The following SERPINB4 variants were observed in gnomAD, a reference collection of about 807,000 sequenced individuals.
SERPINB4 encodes the protein serpin family B member 4, also known as serpin B4.
SERPINB4 carries 39 observed loss-of-function variants against 33.2 expected under a neutral mutation model. The observed-to-expected ratio is 1.18, with a 90% CI of 0.91 to 1.53. The LOEUF is 1.53. SERPINB4 is among the 40% of genes most tolerant of loss of function. The pLI, the probability that SERPINB4 is intolerant of heterozygous loss-of-function variation, is 0.00. For synonymous variants in SERPINB4, 191 were observed against 166.4 expected (o/e 1.15, Z -1.14); for missense variants, 564 against 455.4 (o/e 1.24, Z -2.17).
chr18:63,640,549 T>C (rs1486174611), intron 5 of SERPINB4, among the ~76,000 whole-genome samples: 4 of 152,020 alleles, frequency 2.6e-5, no homozygotes, highest in Non-Finnish European at 4.4e-5. Context: ...ATCATAAAAA[T>C]TTGAGTCTGA....
intron 3 of SERPINB4, among the ~76,000 whole-genome samples, chr18:63,642,570 T>G (rs1404425932): frequency 6.6e-6 from 1 of 152,084 alleles, no homozygotes; most frequent in Non-Finnish European, 1.5e-5. Context: ...CTTTCTACCT[T>G]CCAGCAAAGC....
intron 3 of SERPINB4, among the ~76,000 whole-genome samples, chr18:63,642,305 G>T (rs1913160930): frequency 6.6e-6 from 1 of 152,084 alleles, no homozygotes; most frequent in Non-Finnish European, 1.5e-5. Context: ...AGGAAGCCCT[G>T]TTATACCTGT....
At position 63,637,954 on chromosome 18, in the gene SERPINB4, T is replaced by C; in HGVS notation, c.938A>G (p.Asp313Gly). The change falls in exon 8 of 8, where the codon GAC becomes GGC. Residue 313 changes from aspartate to glycine, a missense_variant. By Grantham distance (94) the Asp-to-Gly change is moderately conservative. Coordinates refer to ENST00000341074, the MANE Select transcript of SERPINB4 (RefSeq NM_002974.4). ...GTGGCTCCAGGTCATGCCTGAGAGG[T>C]CTGCATCCCCATTGAAGATATTCAC... ...GMVNIFNGDA[D>G]LSGMTWSHGL... The C allele has an allele frequency of 6.2e-7, 1 of 1,613,532 alleles. No homozygotes were observed. Among genetic ancestry groups the C allele is most frequent in the South Asian group, 1.1e-5 (1 of 91,058 alleles).
chr18:63,637,945 C>A lies in SERPINB4; in HGVS notation c.947G>T (p.Gly316Val), dbSNP rs749724567. 2 of 1,613,490 alleles carry A rather than the reference C, an allele frequency of 1.2e-6. No individual in the cohort carries two copies. Among genetic ancestry groups the A allele is most frequent in the Non-Finnish European group, 1.7e-6 (2 of 1,179,756 alleles). Residue 316 changes from glycine (G) to valine (V), a missense_variant, in exon 8 of 8, where the codon GGC becomes GTC. Gly to Val is a moderately radical substitution (Grantham distance 109). Transcript: ENST00000341074. ...TGAGAGACCGTGGCTCCAGGTCATG[C>A]CTGAGAGGTCTGCATCCCCATTGAA... Reference protein sequence around the residue: ...NIFNGDADLSGMTWSHGLSVS... With the variant: ...NIFNGDADLSVMTWSHGLSVS...
rs754305053 is a variant in SERPINB4 at position 63,638,105 on chromosome 18, CAGTG to C, written c.783_786del (p.Thr262LeufsTer4). On this transcript the variant is annotated frameshift_variant, in exon 8 of 8. Coordinates refer to ENST00000341074, the MANE Select transcript of SERPINB4 (RefSeq NM_002974.4). LOFTEE classifies it low-confidence loss of function (END_TRUNC). ...CTTGTCCATTCCATCAATTTCTCAGCAGTGAGTTTCTCTTCAAGCTATACAAATG... is the reference window on the plus strand; with the variant it reads ...CTTGTCCATTCCATCAATTTCTCAGCAGTTTCTCTTCAAGCTATACAAATG... 15 of 1,612,898 alleles carry C rather than the reference CAGTG, an allele frequency of 9.3e-6. No homozygotes were observed. The Admixed American group carries it at 2.2e-4, about 23-fold the overall frequency.
At chr18:63,644,174 C>T (rs970247647) in intron 1 of SERPINB4, 35 bp downstream of exon 1, 1 of 152,380 alleles carries the variant, frequency 6.6e-6, no homozygotes, top group African/African-American at 2.4e-5. Context: ...AAAAATAATT[C>T]ATGTTATTAA....
intron 3 of SERPINB4, among the ~76,000 whole-genome samples, chr18:63,642,410 AT>A (rs1401006390): frequency 1.3e-5 from 2 of 152,062 alleles, no homozygotes; most frequent in African/African-American, 4.8e-5. Flanking sequence ...TGCCAGGTCC[AT>A]GGCTAAGGAC....
chr18:63,643,066 T>A, intron 3 of SERPINB4, 95 bp downstream of exon 3: 2 of 1,512,986 alleles, frequency 1.3e-6, no homozygotes, highest in East Asian at 4.6e-5. Flanking sequence ...AGATTTTCCC[T>A]AAAACTGGCC....
intron 3 of SERPINB4, 88 bp downstream of exon 3, chr18:63,643,073 G>A: frequency 6.5e-7 from 1 of 1,535,914 alleles, no homozygotes; most frequent in South Asian, 1.2e-5. Flanking sequence ...CCCTAAAACT[G>A]GCCTTTTCTT....
chr18:63,641,650 C>T (rs1480883135), intron 4 of SERPINB4, 110 bp downstream of exon 4: 11 of 1,544,806 alleles, frequency 7.1e-6, no homozygotes, highest in Non-Finnish European at 9.8e-6. Flanking sequence ...TGAGTAAATG[C>T]TCTCCACCTG....
chr18:63,643,368 C>T (rs2144477087), intron 2 of SERPINB4, 45 bp downstream of exon 2: 1 of 1,612,348 alleles, frequency 6.2e-7, no homozygotes, highest in Non-Finnish European at 8.5e-7. Flanking sequence ...CCGACGGAAC[C>T]AGAGAAAAAC....
chr18:63,642,903 G>T, intron 3 of SERPINB4: 2 of 480,654 alleles, frequency 4.2e-6, no homozygotes, highest in Admixed American at 7.0e-5. Flanking sequence ...CATTTGTGAA[G>T]AGCAAAGCTG....
In SERPINB4 at chr18:63,642,950, C is replaced by T. The variant is rs547468907; in HGVS notation, c.222+211G>A. 40 of 602,324 alleles carry T rather than the reference C, an allele frequency of 6.6e-5. No individual in the cohort carries two copies. The Admixed American group carries it at 7.5e-4, about 11-fold the overall frequency. 37.3% of individuals were successfully genotyped at this position (602,324 alleles called of 1,614,324 possible). The stretch of plus-strand genomic sequence containing the variant: ...CAGCCTATCCTGATCCAGACCTATG[C>T]TCTGAGGTACAGTGCTGACTGTCTT... On this transcript the variant is annotated intron_variant, in intron 3 of 7. Transcript: ENST00000341074.
At chr18:63,639,072 A>G (rs1340048042) in intron 7 of SERPINB4, 113 bp downstream of exon 7, 3 of 1,271,330 alleles carry the variant, frequency 2.4e-6, no homozygotes, top group Admixed American at 4.9e-5. Flanking sequence ...CCTCATTTAG[A>G]ATTTTTCATC....
Position 63,639,904 on chromosome 18 carries a change from T to C in SERPINB4, c.470-128A>G, listed in dbSNP as rs542979080. The C allele has an allele frequency of 9.1e-6, 8 of 874,510 alleles. No individual in the cohort carries two copies. In the African/African-American group the frequency reaches 1.0e-4, roughly 11 times the overall value. 54.2% of individuals were successfully genotyped at this position (874,510 alleles called of 1,614,324 possible). A position where few individuals can be genotyped will look rare whatever the true frequency, so the allele number is the denominator to read the frequency against. On this transcript the variant is annotated intron_variant, in intron 5 of 7. Transcript: ENST00000341074. Reference sequence around the variant, plus strand: ...ATCCCTGCTTGAGACTCACTGACTTTGATCTTTGAATTGTTAGACTCACTG... The same window carrying C: ...ATCCCTGCTTGAGACTCACTGACTTCGATCTTTGAATTGTTAGACTCACTG...
At chr18:63,641,912 C>A in intron 3 of SERPINB4, 24 bp from the exon 4 acceptor site, 9 of 1,611,164 alleles carry the variant, frequency 5.6e-6, no homozygotes, top group Non-Finnish European at 7.6e-6. Flanking sequence ...AAAGGGAGAT[C>A]ATTCAATTGC....
Position 63,643,745 on chromosome 18 carries a change from C to T in SERPINB4, c.-26-142G>A, listed in dbSNP as rs1286636599. ...TTTCTCTTATTTTTAACGCTTCAAT[C>T]TTTCTACAATGTGCATATATTAAAT... On this transcript the variant is annotated intron_variant, in intron 1 of 7. Transcript: ENST00000341074. 6 of 908,574 alleles carry T rather than the reference C, an allele frequency of 6.6e-6. No individual in the cohort carries two copies. In the Admixed American group the frequency reaches 1.6e-4, roughly 24 times the overall value. The allele number at this position is 908,574 out of a possible 1,614,324, so 56.3% of individuals were successfully genotyped here. A position where few individuals can be genotyped will look rare whatever the true frequency, so the allele number is the denominator to read the frequency against.
chr18:63,643,360 G>A lies in SERPINB4; in HGVS notation c.165+53C>T, dbSNP rs570944203. 104 of 1,611,618 alleles carry A rather than the reference G, an allele frequency of 6.5e-5. No individual in the cohort carries two copies. The African/African-American group carries it at 7.2e-4, about 11-fold the overall frequency. On this transcript the variant is annotated intron_variant, in intron 2 of 7. Coordinates refer to ENST00000341074, the MANE Select transcript of SERPINB4 (RefSeq NM_002974.4). ...ATCTATTACCATCTGCGTGCTAGCC[G>A]ACGGAACCAGAGAAAAACTGCAACA...
At chr18:63,640,325 G>A (rs534892327) in intron 5 of SERPINB4, among the ~76,000 whole-genome samples, 28 of 152,052 alleles carry the variant, frequency 1.8e-4, no homozygotes, top group African/African-American at 6.7e-4. Flanking sequence ...AGAGGTGGGA[G>A]GTAAGAAAGA....
Sources: allele counts gnomAD v4.1 joint callset (sites outside exome capture counted in the v4.1 genomes callset), GRCh38; gene constraint gnomAD v4.1.1; transcripts MANE v1.5; gene names NCBI Gene and HGNC (gene_info 2026-07-23, HGNC 2026-07-21).